ANKRD16: variants seen among roughly 807,000 people sequenced by gnomAD.
ANKRD16 encodes the protein ankyrin repeat domain 16, also known as ankyrin repeat domain-containing protein 16.
ANKRD16 carries 35 observed loss-of-function variants against 37.9 expected under a neutral mutation model. That is an observed-to-expected ratio of 0.92 (90% CI 0.71 to 1.23). The LOEUF is 1.23. Ranked by LOEUF, ANKRD16 falls within the 50% of genes most tolerant of loss-of-function variation. ANKRD16 has a pLI of 0.00. For missense variants in ANKRD16, 480 were observed against 469.9 expected (o/e 1.02, Z -0.20); for synonymous variants, 206 against 197.2 (o/e 1.04, Z -0.37).
rs894324159 is a variant in ANKRD16 at position 5,862,820 on chromosome 10, GCA to G, written c.*34-131_*34-130del. On this transcript the variant is annotated intron_variant, in intron 7 of 7. Transcript: ENST00000380094. This position sits in a 1 kb window ranked among gnomAD's most constrained non-coding sequence, Gnocchi z 6.5. ...GCTACAGGGCCTGGCTCTACATGCT[GCA>G]CAGTCAGAGAGGGAGAGTCCCATGC... is the stretch of plus-strand genomic sequence containing the variant. 7.8e-6 allele frequency: 4 copies of G among 511,924 alleles called. No homozygotes were observed. The highest frequency in any genetic ancestry group is 4.0e-5 in the African/African-American group (2 of 50,388). 31.7% of individuals were successfully genotyped at this position (511,924 alleles called of 1,614,324 possible).
intron 6 of ANKRD16, 95 bp downstream of exon 6, chr10:5,880,203 A>T: frequency 3.1e-6 from 1 of 322,718 alleles, no homozygotes; most frequent in Non-Finnish European, 5.2e-6. Context: ...AAAAAAAAAA[A>T]AGGAAGAATA....
rs140526685 is a variant in ANKRD16 at position 5,862,193 on chromosome 10, G to A, written c.*532C>T. 7.2e-3 allele frequency: 1,829 copies of A among 255,092 alleles called. 32 individuals are homozygous for A. Among genetic ancestry groups the A allele is most frequent in the African/African-American group, 0.038 (1,675 of 44,164 alleles). 15.8% of individuals were successfully genotyped at this position (255,092 alleles called of 1,614,324 possible). ...GCTGGGATTACAGGCATGAGCCACC[G>A]CAACCGGCCCCCAGGAATTCTTTAA... is the stretch of plus-strand genomic sequence containing the variant. On this transcript the variant is annotated 3_prime_UTR_variant, in exon 8 of 8. Transcript: ENST00000380094. This position sits in a 1 kb window ranked among gnomAD's most constrained non-coding sequence, Gnocchi z 6.5.
At position 5,863,102 on chromosome 10, in the gene ANKRD16, T is replaced by A. The variant is rs767977778; in HGVS notation, c.*34-411A>T. On this transcript the variant is annotated intron_variant, in intron 7 of 7. Coordinates refer to ENST00000380094, the MANE Select transcript of ANKRD16 (RefSeq NM_019046.3). The surrounding 1 kb of genome is among the most constrained non-coding windows in gnomAD (Gnocchi z 4.7). ...TGATCCTGCCACGTCCCTGACTCCA[T>A]GGGCTTTCAACACGAGGCCTCCCCA... Among the ~76,000 whole-genome samples, 16 of 152,062 alleles carry A rather than the reference T, an allele frequency of 1.1e-4. No individual in the cohort carries two copies. Among genetic ancestry groups the A allele is most frequent in the Non-Finnish European group, 1.8e-4 (12 of 68,016 alleles).
At position 5,866,364 on chromosome 10, in the gene ANKRD16, G is replaced by T. The variant is rs550889000; in HGVS notation, c.*34-3673C>A. 6.6e-6 allele frequency among the ~76,000 whole-genome samples: 1 copy of T among 152,206 alleles called. No homozygotes were observed. Among genetic ancestry groups the T allele is most frequent in the Non-Finnish European group, 1.5e-5 (1 of 68,038 alleles). Reference sequence around the variant, plus strand: ...ATATACTGATGAAAGTTCATTTGTGGTGGAGAATTGGATACGAAGGGCAGG... The same window carrying T: ...ATATACTGATGAAAGTTCATTTGTGTTGGAGAATTGGATACGAAGGGCAGG... On this transcript the variant is annotated intron_variant, in intron 7 of 7. Coordinates refer to ENST00000380094, the MANE Select transcript of ANKRD16 (RefSeq NM_019046.3). This position sits in a 1 kb window ranked among gnomAD's most constrained non-coding sequence, Gnocchi z 4.3.
intron 4 of ANKRD16, 35 bp downstream of exon 4, chr10:5,883,934 G>A (rs772372185): frequency 6.3e-7 from 1 of 1,588,138 alleles, no homozygotes; most frequent in Non-Finnish European, 8.6e-7. Context: ...TTTATAGGAA[G>A]AACCAAAAGA....
rs1842470457 is a variant in ANKRD16, at chr10:5,887,895, C to T, written c.487G>A (p.Ala163Thr). 2 of 1,614,094 alleles carry T rather than the reference C, an allele frequency of 1.2e-6. No homozygotes were observed. Among genetic ancestry groups the T allele is most frequent in the South Asian group, 1.1e-5 (1 of 91,084 alleles). The change falls in exon 2 of 8, where the codon GCC becomes ACC. Residue 163 changes from alanine (A) to threonine (T), a missense_variant. By Grantham distance (58) the Ala-to-Thr change is moderately conservative (BLOSUM62 0). Coordinates refer to ENST00000380094, the MANE Select transcript of ANKRD16 (RefSeq NM_019046.3). ...LQYLLTVCPG[A>T]WKTESKIRRT... Reference sequence around the variant, plus strand: ...CTAATTTTGCTCTCTGTCTTCCAGGCACCTGGGCAAACAGTGAGCAGGTAC... The same window carrying T: ...CTAATTTTGCTCTCTGTCTTCCAGGTACCTGGGCAAACAGTGAGCAGGTAC...
chr10:5,872,238 G>A (rs950380387), intron 7 of ANKRD16, among the ~76,000 whole-genome samples: 1 of 152,134 alleles, frequency 6.6e-6, no homozygotes, highest in Non-Finnish European at 1.5e-5. Flanking sequence ...TAGCACTTTG[G>A]GAGGCTGAGG....
At chr10:5,875,857 C>G (rs868199179) in intron 7 of ANKRD16, among the ~76,000 whole-genome samples, 1 of 151,676 alleles carries the variant, frequency 6.6e-6, no homozygotes, top group Non-Finnish European at 1.5e-5. Flanking sequence ...GGATTACAGG[C>G]GCCTGCCACC....
At chr10:5,877,754 A>AT (rs1272821844) in intron 7 of ANKRD16, among the ~76,000 whole-genome samples, 9 of 151,780 alleles carry the variant, frequency 5.9e-5, no homozygotes, top group Non-Finnish European at 1.0e-4. Flanking sequence ...AGCAGTTACT[A>AT]TAAGATATTT....
At position 5,878,047 on chromosome 10, in the gene ANKRD16, A is replaced by G. The variant is rs1023524667; in HGVS notation, c.*33+50T>C. ...GGAGGAGATGGAAAACTGGCTTCCA[A>G]CTGGTTTCGCTGAATCTGTGACTGA... On this transcript the variant is annotated intron_variant, in intron 7 of 7. Coordinates refer to ENST00000380094, the MANE Select transcript of ANKRD16 (RefSeq NM_019046.3). This position sits in a 1 kb window ranked among gnomAD's most constrained non-coding sequence, Gnocchi z 5.1. 19 of 1,531,540 alleles carry G rather than the reference A, an allele frequency of 1.2e-5. No homozygotes were observed. Among genetic ancestry groups the G allele is most frequent in the East Asian group, 4.6e-5 (2 of 43,284 alleles). The allele number at this position is 1,531,540 out of a possible 1,614,324, so 94.9% of individuals were successfully genotyped here.
intron 7 of ANKRD16, among the ~76,000 whole-genome samples, chr10:5,867,704 A>G (rs1390980707): frequency 6.6e-6 from 1 of 152,142 alleles, no homozygotes; most frequent in African/African-American, 2.4e-5. Context: ...ACCCCTACTT[A>G]TAGGGTTAGG....
At position 5,870,459 on chromosome 10, in the gene ANKRD16, A is replaced by T. The variant is rs1199267206; in HGVS notation, c.*33+7638T>A. Reference sequence around the variant, plus strand: ...TGCTCTGTCACCCAGGCTGGAATACAAAAGTGCAATCATAGCTCACTGCAG... The same window carrying T: ...TGCTCTGTCACCCAGGCTGGAATACTAAAGTGCAATCATAGCTCACTGCAG... On this transcript the variant is annotated intron_variant, in intron 7 of 7. Transcript: ENST00000380094. The surrounding 1 kb of genome is among the most constrained non-coding windows in gnomAD (Gnocchi z 5.0). Among the ~76,000 whole-genome samples, 1 of 151,058 alleles carries T rather than the reference A, an allele frequency of 6.6e-6. No individual in the cohort carries two copies. The highest frequency in any genetic ancestry group is 1.5e-5 in the Non-Finnish European group (1 of 67,860).
Position 5,874,422 on chromosome 10 carries a change from G to A in ANKRD16, c.*33+3675C>T, listed in dbSNP as rs570666295. Among the ~76,000 whole-genome samples the A allele has an allele frequency of 2.6e-5, 4 of 152,332 alleles. No homozygotes were observed. In the South Asian group the frequency reaches 6.2e-4, roughly 24 times the overall value. ...ATGTGGAGGGTGGATTTGAGGACTT[G>A]GAGAGGTGTATTTAAGACATGGCTG... On this transcript the variant is annotated intron_variant, in intron 7 of 7. Coordinates refer to ENST00000380094, the MANE Select transcript of ANKRD16 (RefSeq NM_019046.3). The surrounding 1 kb of genome is among the most constrained non-coding windows in gnomAD (Gnocchi z 4.7).
At chr10:5,872,475 T>G (rs1842106919) in intron 7 of ANKRD16, among the ~76,000 whole-genome samples, 1 of 152,104 alleles carries the variant, frequency 6.6e-6, no homozygotes, top group Non-Finnish European at 1.5e-5. Flanking sequence ...CAAGACTGTC[T>G]CCAAAATAAA....
At chr10:5,873,384 G>A (rs1842134770) in intron 7 of ANKRD16, among the ~76,000 whole-genome samples, 1 of 150,970 alleles carries the variant, frequency 6.6e-6, no homozygotes, top group Non-Finnish European at 1.5e-5. Context: ...ATATTAGCCA[G>A]GCTAGTCTTG....
chr10:5,878,033 A>G lies in ANKRD16; in HGVS notation c.*33+64T>C. The G allele has an allele frequency of 6.6e-7, 1 of 1,503,900 alleles. No individual in the cohort carries two copies. Among genetic ancestry groups the G allele is most frequent in the South Asian group, 1.3e-5 (1 of 76,924 alleles). 93.2% of individuals were successfully genotyped at this position (1,503,900 alleles called of 1,614,324 possible). On this transcript the variant is annotated intron_variant, in intron 7 of 7. Coordinates refer to ENST00000380094, the MANE Select transcript of ANKRD16 (RefSeq NM_019046.3). This position sits in a 1 kb window ranked among gnomAD's most constrained non-coding sequence, Gnocchi z 5.1. Reference sequence around the variant, plus strand: ...GGAAGGGAGGAAGTGGAGGAGATGGAAAACTGGCTTCCAACTGGTTTCGCT... The same window carrying G: ...GGAAGGGAGGAAGTGGAGGAGATGGGAAACTGGCTTCCAACTGGTTTCGCT...
chr10:5,871,639 C>A lies in ANKRD16; in HGVS notation c.*33+6458G>T, dbSNP rs1037944416. Reference sequence around the variant, plus strand: ...TCCTTCTTGCCCTTCTTCTTTCCTTCATGCCTCTGAGAAGGAAACTCTCCT... The same window carrying A: ...TCCTTCTTGCCCTTCTTCTTTCCTTAATGCCTCTGAGAAGGAAACTCTCCT... On this transcript the variant is annotated intron_variant, in intron 7 of 7. Transcript: ENST00000380094. The surrounding 1 kb of genome is among the most constrained non-coding windows in gnomAD (Gnocchi z 4.5). Among the ~76,000 whole-genome samples the A allele has an allele frequency of 1.4e-4, 21 of 151,980 alleles. No individual in the cohort carries two copies. The highest frequency in any genetic ancestry group is 5.1e-4 in the African/African-American group (21 of 41,260).
intron 5 of ANKRD16, 197 bp downstream of exon 5, chr10:5,882,809 T>A (rs966510228): frequency 1.9e-6 from 1 of 537,116 alleles, no homozygotes; most frequent in African/African-American, 1.9e-5. Flanking sequence ...TTTTTAAAGT[T>A]TTGTCTAGCA....
chr10:5,869,877 C>T lies in ANKRD16; in HGVS notation c.*34-7186G>A, dbSNP rs774117282. The stretch of plus-strand genomic sequence containing the variant: ...GCAGGTTTGTTACCTGGGTATATCG[C>T]GTGATGCTGAGGTCTGCAGTAAGGA... On this transcript the variant is annotated intron_variant, in intron 7 of 7. Coordinates refer to ENST00000380094, the MANE Select transcript of ANKRD16 (RefSeq NM_019046.3). This position sits in a 1 kb window ranked among gnomAD's most constrained non-coding sequence, Gnocchi z 4.0. Among the ~76,000 whole-genome samples the T allele has an allele frequency of 2.6e-5, 4 of 152,030 alleles. No homozygotes were observed. Among genetic ancestry groups the T allele is most frequent in the African/African-American group, 7.3e-5 (3 of 41,366 alleles).
Sources: gnomAD v4.1 joint callset for allele counts (sites outside exome capture counted in the v4.1 genomes callset) on GRCh38, gnomAD v4.1.1 for gene constraint, Gnocchi (gnomAD v3.1) non-coding constraint, MANE v1.5 for transcripts, NCBI Gene and HGNC (gene_info 2026-07-23, HGNC 2026-07-21) for gene names.